Variants in UGGT2 observed in about 807,000 individuals in gnomAD.
The protein encoded by UGGT2 is UDP-glucose glycoprotein glucosyltransferase 2, also known as UDP-glucose:glycoprotein glucosyltransferase 2.
UGGT2 carries 180 observed loss-of-function variants against 192.1 expected under a neutral mutation model. The observed-to-expected ratio is 0.94, with a 90% CI of 0.83 to 1.06. UGGT2 has a LOEUF of 1.06. Ranked by LOEUF, UGGT2 falls within the 50% of genes least tolerant of loss-of-function variation. The pLI is 0.00. For missense variants in UGGT2, 1,849 were observed against 1,795.7 expected (o/e 1.03, Z -0.54); for synonymous variants, 580 against 591.0 (o/e 0.98, Z 0.27).
chr13:95,870,037 CAAT>C (rs1385128871), intron 29 of UGGT2, among the ~76,000 whole-genome samples: 1 of 152,122 alleles, frequency 6.6e-6, no homozygotes, highest in Admixed American at 6.5e-5. Flanking sequence ...TGGTAAGAAA[CAAT>C]GATGAAGCCT....
At chr13:95,909,779 T>TAATAAA (rs1555353193) in intron 20 of UGGT2, among the ~76,000 whole-genome samples, 3 of 87,340 alleles carry the variant, frequency 3.4e-5, no homozygotes, top group African/African-American at 1.1e-4. Flanking sequence ...ATAATAATAA[T>TAATAAA]AAAAAAGATT....
At chr13:95,832,392 G>T (rs1211696001) in intron 38 of UGGT2, among the ~76,000 whole-genome samples, 1 of 152,048 alleles carries the variant, frequency 6.6e-6, no homozygotes, top group African/African-American at 2.4e-5. Context: ...GTAGGGCAAT[G>T]AAATGCCAAG....
In UGGT2 at chr13:95,884,557, A is replaced by G. The variant is rs1212806669; in HGVS notation, c.3162T>C (p.Thr1054=). ...CTGTTTCAACCAACCAGCCTTCTGG[A>G]GTAATCATGTTGAGGATTAGGAGGG... is the stretch of plus-strand genomic sequence containing the variant. ...ESPLLILNMI[T]PEGWLVETVH... is the part of the protein sequence containing the mutation. Residue 1054 remains threonine, a synonymous_variant, in exon 27 of 39, where the codon ACT becomes ACC. Coordinates refer to ENST00000376747, the MANE Select transcript of UGGT2 (RefSeq NM_020121.4). 1 of 1,613,872 alleles carries G rather than the reference A, an allele frequency of 6.2e-7. No homozygotes were observed. The highest frequency in any genetic ancestry group is 8.5e-7 in the Non-Finnish European group (1 of 1,179,930).
chr13:95,864,370 T>C (rs1890444598), intron 30 of UGGT2, among the ~76,000 whole-genome samples: 1 of 152,144 alleles, frequency 6.6e-6, no homozygotes, highest in African/African-American at 2.4e-5. Context: ...AACTTGAAAA[T>C]CAGTAAAAAG....
intron 4 of UGGT2, among the ~76,000 whole-genome samples, chr13:96,022,598 T>C (rs1258889699): frequency 6.6e-6 from 1 of 151,816 alleles, no homozygotes; most frequent in Non-Finnish European, 1.5e-5. Flanking sequence ...CTCTAAAAAA[T>C]CACTAATAAA....
chr13:96,044,932 C>T (rs2053264666), intron 1 of UGGT2, among the ~76,000 whole-genome samples: 1 of 152,002 alleles, frequency 6.6e-6, no homozygotes, highest in Non-Finnish European at 1.5e-5. Context: ...AGAATTCGTA[C>T]GAATCCTATT....
At position 95,877,479 on chromosome 13, in the gene UGGT2, C is replaced by G. The variant is rs917791016; in HGVS notation, c.3388-115G>C. The G allele has an allele frequency of 1.4e-5, 14 of 985,560 alleles. No homozygotes were observed. In the African/African-American group the frequency reaches 2.1e-4, roughly 15 times the overall value. 61.1% of individuals were successfully genotyped at this position (985,560 alleles called of 1,614,324 possible). On this transcript the variant is annotated intron_variant, in intron 28 of 38. Transcript: ENST00000376747. ...TTATTAACTGTAGAATGAATAAATT[C>G]TATAAATCAATTCCAAGTAAAGAGA...
intron 12 of UGGT2, among the ~76,000 whole-genome samples, chr13:95,959,930 C>T (rs1479576996): frequency 6.6e-6 from 1 of 152,160 alleles, no homozygotes; most frequent in Non-Finnish European, 1.5e-5. Flanking sequence ...CACATTTCAG[C>T]AAAACTTCAT....
At chr13:95,961,622 G>A (rs949246594) in intron 12 of UGGT2, among the ~76,000 whole-genome samples, 3 of 151,994 alleles carry the variant, frequency 2.0e-5, no homozygotes, top group Non-Finnish European at 4.4e-5. Flanking sequence ...TACAGCTAAA[G>A]AGAGAGAGAG....
intron 4 of UGGT2, among the ~76,000 whole-genome samples, chr13:96,018,645 A>T (rs1442830765): frequency 6.6e-6 from 1 of 152,186 alleles, no homozygotes; most frequent in Admixed American, 6.5e-5. Flanking sequence ...CATGTAAATA[A>T]AACTACTGTT....
At position 95,970,145 on chromosome 13, in the gene UGGT2, A is replaced by C. The variant is rs1241254157; in HGVS notation, c.1302T>G (p.Thr434=). The C allele has an allele frequency of 1.2e-6, 2 of 1,609,812 alleles. No individual in the cohort carries two copies. Among genetic ancestry groups the C allele is most frequent in the Non-Finnish European group, 1.7e-6 (2 of 1,176,416 alleles). ...AAGAATGTCGAATATCTAATACATAAGTATATTCCCAAATGTGTGAATTTA... is the reference window on the plus strand; with the variant it reads ...AAGAATGTCGAATATCTAATACATACGTATATTCCCAAATGTGTGAATTTA... ...LKLNSHIWEY[T]YVLDIRHSSI... The change falls in exon 12 of 39, where the codon ACT becomes ACG. Residue 434 remains threonine (T), a synonymous_variant. Coordinates refer to ENST00000376747, the MANE Select transcript of UGGT2 (RefSeq NM_020121.4).
At chr13:95,927,570 CCATTTCTTGAG>C (rs2049066059) in intron 17 of UGGT2, among the ~76,000 whole-genome samples, 1 of 151,078 alleles carries the variant, frequency 6.6e-6, no homozygotes, top group Non-Finnish European at 1.5e-5. Flanking sequence ...ATGGTAGTAA[CCATTTCTTGAG>C]CACCTATTGT....
At chr13:95,877,931 G>A in intron 27 of UGGT2, 75 bp from the exon 28 acceptor site, 2 of 1,410,328 alleles carry the variant, frequency 1.4e-6, no homozygotes, top group Non-Finnish European at 1.9e-6. Flanking sequence ...AAATAAATGT[G>A]ATTATTTTAA....
In UGGT2 at chr13:96,013,309, G is replaced by A. The variant is rs2052224221; in HGVS notation, c.658C>T (p.Gln220Ter). 2.5e-6 allele frequency: 4 copies of A among 1,579,530 alleles called. No individual in the cohort carries two copies. The highest frequency in any genetic ancestry group is 3.4e-6 in the Non-Finnish European group (4 of 1,170,200). ...EILYVLRHYI[Q>*]KPSSRKMYLS... Reference sequence around the variant, plus strand: ...CCTTGGAAAAAACAAGCGCATACCTGAATATAATGGCGAAGAACATACAGA... The same window carrying A: ...CCTTGGAAAAAACAAGCGCATACCTAAATATAATGGCGAAGAACATACAGA... Residue 220 changes from glutamine (Q) to a stop codon, truncating the protein, a stop_gained and splice_region_variant, in exon 5 of 39, where the codon CAG becomes TAG. Transcript: ENST00000376747. LOFTEE classifies it high-confidence loss of function.
chr13:95,835,375 C>T (rs946644244), intron 37 of UGGT2, among the ~76,000 whole-genome samples: 6 of 152,118 alleles, frequency 3.9e-5, no homozygotes, highest in Non-Finnish European at 7.3e-5. Context: ...ACTAAAGATC[C>T]CAAAATGACC....
intron 36 of UGGT2, among the ~76,000 whole-genome samples, chr13:95,838,969 C>A (rs977033010): frequency 1.3e-5 from 2 of 152,118 alleles, no homozygotes; most frequent in Non-Finnish European, 2.9e-5. Context: ...ATTTCACTGT[C>A]CCTCATTCCT....
intron 7 of UGGT2, among the ~76,000 whole-genome samples, chr13:95,991,819 A>T (rs1342538859): frequency 6.6e-6 from 1 of 152,208 alleles, no homozygotes; most frequent in Non-Finnish European, 1.5e-5. Context: ...TATTATTCAT[A>T]AAGTACCTCA....
At chr13:95,838,654 G>C (rs1211716787) in intron 36 of UGGT2, among the ~76,000 whole-genome samples, 1 of 152,026 alleles carries the variant, frequency 6.6e-6, no homozygotes, top group Non-Finnish European at 1.5e-5. Context: ...CATACTTTCT[G>C]CTCATTTTTT....
Position 95,840,763 on chromosome 13 carries a change from G to A in UGGT2, c.4285-3561C>T, listed in dbSNP as rs113830429. ...AGACACACGCACATGTATGTTTACC[G>A]CAGCACTATTTACAATAGCAAAGAC... On this transcript the variant is annotated intron_variant, in intron 36 of 38. Coordinates refer to ENST00000376747, the MANE Select transcript of UGGT2 (RefSeq NM_020121.4). 3.0e-3 allele frequency among the ~76,000 whole-genome samples: 458 copies of A among 152,242 alleles called. 3 individuals are homozygous for A. Among genetic ancestry groups the A allele is most frequent in the African/African-American group, 0.01 (429 of 41,532 alleles).
Sources: gnomAD v4.1 joint callset for allele counts (sites outside exome capture counted in the v4.1 genomes callset) on GRCh38, gnomAD v4.1.1 for gene constraint, MANE v1.5 for transcripts, NCBI Gene and HGNC (gene_info 2026-07-23, HGNC 2026-07-21) for gene names.